Variants in MINK1 observed in about 807,000 individuals in gnomAD.
MINK1 encodes misshapen-like kinase 1.
Under a neutral mutation model 178.4 loss-of-function variants are expected in MINK1, and 46 were observed. That is an observed-to-expected ratio of 0.26 (90% confidence interval 0.20 to 0.33). The LOEUF is 0.33. Ranked by LOEUF, MINK1 falls within the 10% of genes least tolerant of loss-of-function variation. The pLI is 1.00. For missense variants in MINK1, 1,366 were observed against 1,814.9 expected (o/e 0.75, Z 4.49); for synonymous variants, 797 against 709.7 (o/e 1.12, Z -1.96).
chr17:4,889,855 C>T (rs1567612119), intron 13 of MINK1, 92 bp downstream of exon 13: 2 of 887,032 alleles, frequency 2.3e-6, no homozygotes, highest in Non-Finnish European at 3.4e-6. Flanking sequence ...CTTCTCTCCC[C>T]CACCCCCAGA....
intron 1 of MINK1, among the ~76,000 whole-genome samples, chr17:4,866,069 T>C (rs1463050088): frequency 1.3e-5 from 2 of 152,204 alleles, no homozygotes; most frequent in Admixed American, 6.6e-5. Context: ...TACTCACTGT[T>C]CTATTCCCCA....
intron 14 of MINK1, 92 bp from the exon 15 acceptor site, chr17:4,890,859 C>A: frequency 1.3e-6 from 2 of 1,527,036 alleles, no homozygotes; most frequent in Non-Finnish European, 1.8e-6. Context: ...CAGCACAGAG[C>A]ATAGGGCGGG....
intron 1 of MINK1, among the ~76,000 whole-genome samples, chr17:4,877,666 A>G (rs1967304931): frequency 1.3e-5 from 2 of 151,228 alleles, no homozygotes; most frequent in Admixed American, 1.3e-4. Flanking sequence ...TTCACTTAAA[A>G]TGTGAGTACC....
In MINK1 at chr17:4,895,860, C is replaced by G; in HGVS notation, c.3364+28C>G. On this transcript the variant is annotated intron_variant, in intron 27 of 31. Coordinates refer to ENST00000355280, the MANE Select transcript of MINK1 (RefSeq NM_153827.5). This position sits in a 1 kb window ranked among gnomAD's most constrained non-coding sequence, Gnocchi z 4.3. ...GAGGATGTCCCAACAGAGTGGCCAG[C>G]GCATACTTGTTCATGAAGAGAGAAA... 2 of 1,608,144 alleles carry G rather than the reference C, an allele frequency of 1.2e-6. No homozygotes were observed. Among genetic ancestry groups the G allele is most frequent in the African/African-American group, 2.7e-5 (2 of 74,916 alleles).
chr17:4,895,309 C>A lies in MINK1; in HGVS notation c.3086-41C>A. On this transcript the variant is annotated intron_variant, in intron 25 of 31. Transcript: ENST00000355280. The surrounding 1 kb of genome is among the most constrained non-coding windows in gnomAD (Gnocchi z 4.3). ...TCTTGTGCTCCTGGTTAGGTGAGGG[C>A]CTGGCTGAGCCTCTGACCTGCCCAA... 1.2e-6 allele frequency: 2 copies of A among 1,604,996 alleles called. No homozygotes were observed. Among genetic ancestry groups the A allele is most frequent in the Non-Finnish European group, 1.7e-6 (2 of 1,174,146 alleles).
At chr17:4,889,295 C>T (rs1968531671) in intron 12 of MINK1, among the ~76,000 whole-genome samples, 1 of 152,156 alleles carries the variant, frequency 6.6e-6, no homozygotes, top group African/African-American at 2.4e-5. Context: ...TCTATATGGA[C>T]TTCAGGCAAA....
rs1909172944 is a variant in MINK1, at chr17:4,835,476, A to C, written c.57+1836A>C. Among the ~76,000 whole-genome samples, 5 of 152,174 alleles carry C rather than the reference A, an allele frequency of 3.3e-5. No homozygotes were observed. In the Middle Eastern group the frequency reaches 0.01, roughly 311 times the overall value. On this transcript the variant is annotated intron_variant, in intron 1 of 31. Coordinates refer to ENST00000355280, the MANE Select transcript of MINK1 (RefSeq NM_153827.5). The stretch of plus-strand genomic sequence containing the variant: ...ACCCCATCCTTACTAAAAATACAAA[A>C]ATTAGCCACACGTGGTGGCACACAC...
chr17:4,897,130 C>T (rs1365263361), intron 31 of MINK1, 74 bp from the exon 32 acceptor site: 14 of 1,196,294 alleles, frequency 1.2e-5, no homozygotes, highest in Non-Finnish European at 1.7e-5. Flanking sequence ...CCCCTTCTTC[C>T]CTTCTTTCCC....
chr17:4,878,849 CT>C (rs1967435409), intron 2 of MINK1, among the ~76,000 whole-genome samples: 1 of 152,226 alleles, frequency 6.6e-6, no homozygotes, highest in Non-Finnish European at 1.5e-5. Context: ...AGAGCTCAGG[CT>C]TTTGGCTTTT....
rs751890583 is a variant in MINK1, at chr17:4,895,999, C to G, written c.3365-4C>G. The G allele has an allele frequency of 4.2e-5, 67 of 1,590,812 alleles. No homozygotes were observed. The highest frequency in any genetic ancestry group is 5.6e-5 in the Non-Finnish European group (65 of 1,168,740). The stretch of plus-strand genomic sequence containing the variant: ...TCAGCATCCCTCTTCTCTCCCGCCC[C>G]CAGTGAAATACGAGCGGATTAAGTT... On this transcript the variant is annotated splice_region_variant and splice_polypyrimidine_tract_variant and intron_variant, in intron 27 of 31. Transcript: ENST00000355280. This position sits in a 1 kb window ranked among gnomAD's most constrained non-coding sequence, Gnocchi z 4.3.
chr17:4,890,207 C>A, intron 13 of MINK1: 5 of 1,074,332 alleles, frequency 4.7e-6, no homozygotes, highest in Non-Finnish European at 6.0e-6. Context: ...CCCCACCCCA[C>A]ACCCCGTCCC....
chr17:4,896,777 T>G lies in MINK1; in HGVS notation c.3879T>G (p.Ala1293=), dbSNP rs770732686. 8.8e-6 allele frequency: 14 copies of G among 1,586,030 alleles called. No individual in the cohort carries two copies. The highest frequency in any genetic ancestry group is 9.4e-6 in the Non-Finnish European group (11 of 1,165,896). The change falls in exon 31 of 32, where the codon GCT becomes GCG. Residue 1293 remains alanine (A), a synonymous_variant. Coordinates refer to ENST00000355280, the MANE Select transcript of MINK1 (RefSeq NM_153827.5). This position sits in a 1 kb window ranked among gnomAD's most constrained non-coding sequence, Gnocchi z 4.6. ...HLDGVFMHKR[A]QRLKFLCERN... is the part of the protein sequence containing the mutation. ...ACGGGGTCTTCATGCACAAACGAGC[T>G]CAGAGGCTCAAGTTCCTGTGTGAGC...
chr17:4,859,035 G>A (rs1254851976), intron 1 of MINK1: 22 of 741,140 alleles, frequency 3.0e-5, no homozygotes, highest in Non-Finnish European at 3.3e-5. Context: ...TCCTGTCAGG[G>A]GTAGGATGGC....
At chr17:4,850,889 C>T (rs539621255) in intron 1 of MINK1, 1 of 358,660 alleles carries the variant, frequency 2.8e-6, no homozygotes, top group Admixed American at 3.7e-5. Flanking sequence ...ATCTGCCAGC[C>T]TGAACGGGCC....
chr17:4,887,755 G>C lies in MINK1; in HGVS notation c.1195G>C (p.Glu399Gln). The stretch of plus-strand genomic sequence containing the variant: ...GCTGCACCAGCGGCAGCGGCGCATA[G>C]AGGAGCAGAAGGAGGAGCGGCGCCG... ...HLLHQRQRRIEEQKEERRRVE... is the reference protein window; with the variant it reads ...HLLHQRQRRIQEQKEERRRVE... Residue 399 changes from glutamate to glutamine, a missense_variant, in exon 12 of 32, where the codon GAG (glutamate) becomes CAG (glutamine). By Grantham distance (29) the Glu-to-Gln change is conservative (BLOSUM62 2). Around this residue, in one of 14 missense-constraint regions of MINK1, gnomAD observed 18 missense variants for 40.7 expected, o/e 0.44. Coordinates refer to ENST00000355280, the MANE Select transcript of MINK1 (RefSeq NM_153827.5). This position sits in a 1 kb window ranked among gnomAD's most constrained non-coding sequence, Gnocchi z 7.6. 1 of 1,543,168 alleles carries C rather than the reference G, an allele frequency of 6.5e-7. No individual in the cohort carries two copies. Among genetic ancestry groups the C allele is most frequent in the Non-Finnish European group, 8.7e-7 (1 of 1,143,554 alleles).
chr17:4,854,504 G>A (rs943409298), intron 1 of MINK1, among the ~76,000 whole-genome samples: 3 of 152,228 alleles, frequency 2.0e-5, no homozygotes, highest in African/African-American at 7.2e-5. Context: ...AGAATGGTAT[G>A]TGTATTCATG....
intron 1 of MINK1, chr17:4,847,084 G>A (rs1331730864): frequency 4.5e-6 from 2 of 447,186 alleles, no homozygotes; most frequent in East Asian, 1.4e-4. Context: ...ACCTCCTCAG[G>A]TGGCCCAAAT....
At chr17:4,892,306 T>C (rs1217003823) in intron 17 of MINK1, 72 bp downstream of exon 17, 1 of 1,485,368 alleles carries the variant, frequency 6.7e-7, no homozygotes, top group East Asian at 2.5e-5. Context: ...GCACAGGGAC[T>C]TTACCAGCCT....
chr17:4,867,026 C>T (rs1167734470), intron 1 of MINK1, among the ~76,000 whole-genome samples: 2 of 144,372 alleles, frequency 1.4e-5, no homozygotes, highest in Admixed American at 7.1e-5. Flanking sequence ...TGAACCGGGA[C>T]CGTGCCGCTT....
Sources: allele counts gnomAD v4.1 joint callset (sites outside exome capture counted in the v4.1 genomes callset), GRCh38; gene constraint gnomAD v4.1.1; regional missense constraint gnomAD v4.1.1; non-coding constraint Gnocchi (gnomAD v3.1); transcripts MANE v1.5; gene names NCBI Gene and HGNC (gene_info 2026-07-23, HGNC 2026-07-21).